Variants in ETS1 observed in about 807,000 individuals in gnomAD.
The protein encoded by ETS1 is protein C-ets-1.
A neutral mutation model predicts 58.6 loss-of-function variants in ETS1; 15 were observed. The observed-to-expected ratio is 0.26, with a 90% CI of 0.17 to 0.39. ETS1 has a LOEUF of 0.39. Among genes scored for constraint, ETS1 ranks in the 10% least tolerant of loss-of-function variants. The pLI, the probability that ETS1 is intolerant of heterozygous loss-of-function variation, is 1.00. For missense variants in ETS1, 417 were observed against 610.5 expected (o/e 0.68, Z 3.34); for synonymous variants, 214 against 218.2 (o/e 0.98, Z 0.17).
At chr11:128,487,443 A>G (rs1035015825) in intron 5 of ETS1, among the ~76,000 whole-genome samples, 1 of 152,238 alleles carries the variant, frequency 6.6e-6, no homozygotes, top group Non-Finnish European at 1.5e-5. Flanking sequence ...TTTTAAGTTA[A>G]ATAAAAATAT....
rs1290710868 is a variant in ETS1 at position 128,522,070 on chromosome 11, G to C, written c.215-31494C>G. 4.9e-6 allele frequency: 7 copies of C among 1,427,394 alleles called. No individual in the cohort carries two copies. In the South Asian group the frequency reaches 7.3e-5, roughly 15 times the overall value. The allele number at this position is 1,427,394 out of a possible 1,614,324, so 88.4% of individuals were successfully genotyped here. A position where few individuals can be genotyped will look rare whatever the true frequency, so the allele number is the denominator to read the frequency against. On this transcript the variant is annotated intron_variant, in intron 3 of 9. Transcript: ENST00000392668. ...TTGTTTTTCTTTTTAATGAGGATTA[G>C]TAACAGGGGGAAGGGGACGGGGGAA...
At chr11:128,543,803 T>C (rs1262561075) in intron 3 of ETS1, among the ~76,000 whole-genome samples, 1 of 152,264 alleles carries the variant, frequency 6.6e-6, no homozygotes, top group African/African-American at 2.4e-5. Flanking sequence ...TCCTGAAAGA[T>C]ATTTGAGAGG....
intron 3 of ETS1, chr11:128,505,135 C>T (rs1445538503): frequency 6.6e-6 from 1 of 152,182 alleles, no homozygotes; most frequent in Non-Finnish European, 1.5e-5. Flanking sequence ...GAACCTTTAT[C>T]TAAAAAGCAC....
intron 3 of ETS1, among the ~76,000 whole-genome samples, chr11:128,502,527 G>C (rs943867702): frequency 6.6e-6 from 1 of 152,120 alleles, no homozygotes; most frequent in Non-Finnish European, 1.5e-5. Flanking sequence ...CTTTTCCCTG[G>C]GAAAGTTCCC....
chr11:128,489,570 G>T, intron 4 of ETS1, 80 bp from the exon 5 acceptor site: 1 of 1,051,578 alleles, frequency 9.5e-7, no homozygotes, highest in Non-Finnish European at 1.5e-6. Context: ...CACTGAAGGA[G>T]CTGAATTTAG....
intron 3 of ETS1, among the ~76,000 whole-genome samples, chr11:128,493,840 C>T (rs1307989794): frequency 6.6e-6 from 1 of 152,112 alleles, no homozygotes; most frequent in African/African-American, 2.4e-5. Context: ...AGAAAATAAA[C>T]TCACCATATA....
At chr11:128,578,572 G>T (rs1054610789) in intron 1 of ETS1, among the ~76,000 whole-genome samples, 1 of 152,006 alleles carries the variant, frequency 6.6e-6, no homozygotes, top group Non-Finnish European at 1.5e-5. Context: ...GTAACAGATG[G>T]ATATTAGAAT....
intron 3 of ETS1, among the ~76,000 whole-genome samples, chr11:128,514,276 C>T (rs1863465900): frequency 6.6e-6 from 1 of 152,112 alleles, no homozygotes; most frequent in African/African-American, 2.4e-5. Context: ...ATCTCATAAG[C>T]TTACTCAATA....
chr11:128,477,350 C>T (rs1398984419), intron 8 of ETS1, among the ~76,000 whole-genome samples: 1 of 152,184 alleles, frequency 6.6e-6, no homozygotes, highest in Non-Finnish European at 1.5e-5. Context: ...GTATTGCCAA[C>T]AAGTCTATAC....
chr11:128,519,647 A>G (rs1480766114), intron 3 of ETS1, among the ~76,000 whole-genome samples: 2 of 152,216 alleles, frequency 1.3e-5, no homozygotes, highest in Non-Finnish European at 2.9e-5. Flanking sequence ...TGCACCTGCA[A>G]GTTAAGTCTC....
At chr11:128,553,952 C>T (rs1342010144) in intron 3 of ETS1, among the ~76,000 whole-genome samples, 1 of 152,058 alleles carries the variant, frequency 6.6e-6, no homozygotes. Context: ...AAAAAAATGT[C>T]GAGTATTTTT....
chr11:128,535,368 T>C (rs1863958019), intron 3 of ETS1, among the ~76,000 whole-genome samples: 1 of 152,204 alleles, frequency 6.6e-6, no homozygotes, highest in South Asian at 2.1e-4. Flanking sequence ...TTTCTCCCAT[T>C]CTGTAGGTTG....
At chr11:128,532,667 T>C (rs73565230) in intron 3 of ETS1, among the ~76,000 whole-genome samples, 6,501 of 152,214 alleles carry the variant, frequency 0.043, 463 homozygotes, top group African/African-American at 0.15. Context: ...CTTTTTTTTT[T>C]TCCCCAGTGA....
intron 3 of ETS1, chr11:128,526,145 A>C (rs1863796999): frequency 1.2e-5 from 1 of 80,118 alleles, no homozygotes; most frequent in Non-Finnish European, 2.3e-5. Context: ...AGCTGCAGTC[A>C]GGAGGGAAGA....
At chr11:128,542,938 C>T (rs1032348192) in intron 3 of ETS1, among the ~76,000 whole-genome samples, 3 of 151,960 alleles carry the variant, frequency 2.0e-5, no homozygotes, top group Non-Finnish European at 2.9e-5. Context: ...TTTGGGAGGC[C>T]GAGATGGGTG....
rs113498782 is a variant in ETS1 at position 128,540,724 on chromosome 11, T to C, written c.214+15567A>G. ...AATGGAATTTAAAAATATTATCTCC[T>C]GGCTTTATAAACAGCAAGGAGCACT... On this transcript the variant is annotated intron_variant, in intron 3 of 9. Coordinates refer to ENST00000392668, the MANE Select transcript of ETS1 (RefSeq NM_001143820.2). Among the ~76,000 whole-genome samples the C allele has an allele frequency of 2.4e-4, 36 of 152,322 alleles. 1 individual carries two copies. The highest frequency in any genetic ancestry group is 8.4e-4 in the African/African-American group (35 of 41,572).
intron 3 of ETS1, among the ~76,000 whole-genome samples, chr11:128,532,583 C>T (rs1451624707): frequency 1.3e-5 from 2 of 152,102 alleles, no homozygotes; most frequent in African/African-American, 2.4e-5. Flanking sequence ...GTCACTTTGC[C>T]CTTTCCAACA....
chr11:128,575,107 T>C (rs1321424690), intron 1 of ETS1, among the ~76,000 whole-genome samples: 2 of 152,212 alleles, frequency 1.3e-5, no homozygotes, highest in Non-Finnish European at 1.5e-5. Flanking sequence ...CCAAATAGGA[T>C]TTGTTCCAAA....
chr11:128,560,213 A>C (rs775384599), intron 2 of ETS1, among the ~76,000 whole-genome samples: 1 of 152,166 alleles, frequency 6.6e-6, no homozygotes, highest in African/African-American at 2.4e-5. Context: ...CCTGGCATCA[A>C]GTGATTCTCC....
Sources: allele counts gnomAD v4.1 joint callset (sites outside exome capture counted in the v4.1 genomes callset), GRCh38; gene constraint gnomAD v4.1.1; transcripts MANE v1.5; gene names NCBI Gene and HGNC (gene_info 2026-07-23, HGNC 2026-07-21).